Variants in DDX4 observed in about 807,000 individuals in gnomAD.
DDX4 encodes the protein probable ATP-dependent RNA helicase DDX4.
DDX4 carries 25 observed loss-of-function variants against 100.0 expected under a neutral mutation model. The observed-to-expected ratio is 0.25, with a 90% CI of 0.18 to 0.35. DDX4 has a LOEUF of 0.35. DDX4 is among the 10% of genes least tolerant of loss of function. The pLI is 1.00. For missense variants in DDX4, 635 were observed against 882.4 expected (o/e 0.72, Z 3.55); for synonymous variants, 259 against 275.7 (o/e 0.94, Z 0.60).
chr5:55,798,346 A>C, intron 17 of DDX4, 80 bp from the exon 18 acceptor site: 1 of 1,429,570 alleles, frequency 7.0e-7, no homozygotes, highest in Middle Eastern at 2.0e-4. Context: ...TATTGAGATA[A>C]CACCTACAGG....
chr5:55,776,472 T>C (rs982828086), intron 7 of DDX4, among the ~76,000 whole-genome samples: 5 of 152,208 alleles, frequency 3.3e-5, no homozygotes, highest in Admixed American at 2.6e-4. Context: ...CATACCCTTA[T>C]GCATGTATTG....
Position 55,781,989 on chromosome 5 carries a change from C to T in DDX4, c.625+8C>T. 1 of 1,613,708 alleles carries T rather than the reference C, an allele frequency of 6.2e-7. No individual in the cohort carries two copies. The highest frequency in any genetic ancestry group is 1.3e-5 in the African/African-American group (1 of 75,026). On this transcript the variant is annotated splice_region_variant and intron_variant, in intron 10 of 21. Transcript: ENST00000505374. ...GCAGTGGAAGTGAACGAGGTAAGTT[C>T]TTATTTTGTTTACCCGAAAGAAGTT...
chr5:55,780,246 A>T (rs1222782212), intron 8 of DDX4, among the ~76,000 whole-genome samples, 181 bp downstream of exon 8: 2 of 152,194 alleles, frequency 1.3e-5, no homozygotes, highest in Non-Finnish European at 2.9e-5. Context: ...TTGATTGCAT[A>T]TTGGTTAAGT....
chr5:55,813,673 G>A lies in DDX4; in HGVS notation c.1616G>A (p.Gly539Glu). ...TATTAATAATTTCATTGTCTTGTAG[G>A]GGATGAAAGAACTATGGTCTTTGTT... ...EKLVEILRNI[G>E]DERTMVFVET... Residue 539 changes from glycine to glutamate, a missense_variant and splice_region_variant, in exon 19 of 22, where the codon GGG (glycine) becomes GAG (glutamate). Transcript: ENST00000505374. 1.3e-6 allele frequency: 2 copies of A among 1,575,620 alleles called. No individual in the cohort carries two copies. The highest frequency in any genetic ancestry group is 1.7e-6 in the Non-Finnish European group (2 of 1,166,076).
At chr5:55,744,320 A>G (rs1759137012) in intron 2 of DDX4, among the ~76,000 whole-genome samples, 1 of 152,238 alleles carries the variant, frequency 6.6e-6, no homozygotes, top group Non-Finnish European at 1.5e-5. Context: ...TAGTTGATTA[A>G]GAGATCATCT....
intron 7 of DDX4, among the ~76,000 whole-genome samples, chr5:55,772,190 G>A (rs577858462): frequency 5.6e-4 from 85 of 152,246 alleles, no homozygotes; most frequent in Non-Finnish European, 9.8e-4. Context: ...CAGCCTGGGC[G>A]ACAGAGAGAG....
chr5:55,747,907 T>C (rs968627871), intron 3 of DDX4, among the ~76,000 whole-genome samples: 1 of 152,162 alleles, frequency 6.6e-6, no homozygotes, highest in Non-Finnish European at 1.5e-5. Flanking sequence ...TATAAAAAAT[T>C]AGTAGATGAG....
intron 15 of DDX4, among the ~76,000 whole-genome samples, chr5:55,789,066 A>T (rs1187717950): frequency 2.0e-5 from 3 of 152,038 alleles, no homozygotes; most frequent in Non-Finnish European, 4.4e-5. Context: ...CTTATATATA[A>T]AAAAAACCAA....
chr5:55,739,937 C>A (rs1213911578), intron 2 of DDX4, among the ~76,000 whole-genome samples: 1 of 152,004 alleles, frequency 6.6e-6, no homozygotes, highest in East Asian at 1.9e-4. Context: ...GATGAAGTCT[C>A]ACTATATTGC....
chr5:55,800,982 T>C (rs1409523740), intron 18 of DDX4, among the ~76,000 whole-genome samples: 1 of 152,200 alleles, frequency 6.6e-6, no homozygotes, highest in East Asian at 1.9e-4. Flanking sequence ...ACTGCCTTTT[T>C]CATAATTTTA....
chr5:55,772,197 A>G (rs1741296527), intron 7 of DDX4, among the ~76,000 whole-genome samples: 1 of 152,156 alleles, frequency 6.6e-6, no homozygotes. Context: ...GGCGACAGAG[A>G]GAGACTCCGT....
At chr5:55,798,331 A>T in intron 17 of DDX4, 95 bp from the exon 18 acceptor site, 1 of 1,298,120 alleles carries the variant, frequency 7.7e-7, no homozygotes, top group Non-Finnish European at 1.1e-6. Flanking sequence ...CTGCTGTCTG[A>T]TTAATATTGA....
At chr5:55,795,761 T>A (rs2112083774) in intron 17 of DDX4, among the ~76,000 whole-genome samples, 1 of 152,276 alleles carries the variant, frequency 6.6e-6, no homozygotes, top group Middle Eastern at 3.4e-3. Flanking sequence ...GGCAACAGAC[T>A]AAGACCCTGT....
At chr5:55,775,360 A>G (rs560916276) in intron 7 of DDX4, among the ~76,000 whole-genome samples, 12 of 152,348 alleles carry the variant, frequency 7.9e-5, no homozygotes, top group African/African-American at 2.6e-4. Flanking sequence ...TTTTGGTTAT[A>G]TACTTACAAG....
intron 16 of DDX4, 138 bp from the exon 17 acceptor site, chr5:55,792,503 G>T (rs902025928): frequency 8.3e-5 from 31 of 375,612 alleles, no homozygotes; most frequent in African/African-American, 6.0e-4. Flanking sequence ...GGGACTACAG[G>T]CGTCCGCCAA....
At chr5:55,759,997 C>T (rs1022239870) in intron 3 of DDX4, among the ~76,000 whole-genome samples, 6 of 150,702 alleles carry the variant, frequency 4.0e-5, no homozygotes, top group African/African-American at 7.3e-5. Flanking sequence ...CTTTATGAAT[C>T]AGATTTAGTC....
At position 55,780,092 on chromosome 5, in the gene DDX4, G is replaced by A. The variant is rs778247066; in HGVS notation, c.496+27G>A. The A allele has an allele frequency of 3.4e-5, 54 of 1,611,356 alleles. No homozygotes were observed. The Admixed American group carries it at 8.9e-4, about 27-fold the overall frequency. On this transcript the variant is annotated intron_variant, in intron 8 of 21. Transcript: ENST00000505374. ...TTAGTACTGGATTTGCAAATGATGT[G>A]CTTCATTAACTGTTAAAAAGAAAAT...
chr5:55,792,889 T>C, intron 17 of DDX4, 82 bp downstream of exon 17: 1 of 855,108 alleles, frequency 1.2e-6, no homozygotes, highest in African/African-American at 1.8e-5. Context: ...AATATCCTAT[T>C]TTTAGAGATT....
intron 18 of DDX4, among the ~76,000 whole-genome samples, chr5:55,805,586 T>C (rs1038036169): frequency 8.5e-5 from 13 of 152,216 alleles, no homozygotes; most frequent in African/African-American, 3.1e-4. Flanking sequence ...GATGATCATG[T>C]GGTTTTTGTC....
Sources: gnomAD v4.1 joint callset for allele counts (sites outside exome capture counted in the v4.1 genomes callset) on GRCh38, gnomAD v4.1.1 for gene constraint, MANE v1.5 for transcripts, NCBI Gene and HGNC (gene_info 2026-07-23, HGNC 2026-07-21) for gene names.